The following SHQ1 variants were observed in gnomAD, a reference collection of about 807,000 sequenced individuals.
SHQ1 encodes protein SHQ1 homolog.
Under a neutral mutation model 53.8 loss-of-function variants are expected in SHQ1, and 49 were observed. That is an observed-to-expected ratio of 0.91 (90% CI 0.72 to 1.16). The LOEUF (loss-of-function observed/expected upper bound fraction) is 1.16. Ranked by LOEUF, SHQ1 falls within the 50% of genes most tolerant of loss-of-function variation. SHQ1 has a pLI of 0.00. For synonymous variants in SHQ1, 243 were observed against 251.0 expected (o/e 0.97, Z 0.30); for missense variants, 738 against 683.1 (o/e 1.08, Z -0.90).
At chr3:72,809,030 G>C (rs1707038988) in intron 9 of SHQ1, among the ~76,000 whole-genome samples, 1 of 151,706 alleles carries the variant, frequency 6.6e-6, no homozygotes, top group African/African-American at 2.4e-5. Flanking sequence ...AAGAGAAAGG[G>C]GGTTTTAAGA....
chr3:72,826,221 T>A (rs968042561), intron 5 of SHQ1, among the ~76,000 whole-genome samples: 1 of 152,186 alleles, frequency 6.6e-6, no homozygotes, highest in Non-Finnish European at 1.5e-5. Context: ...CAATAACAAT[T>A]TCCAACAGGT....
At chr3:72,805,838 T>C (rs1027209163) in intron 9 of SHQ1, among the ~76,000 whole-genome samples, 1 of 152,158 alleles carries the variant, frequency 6.6e-6, no homozygotes, top group African/African-American at 2.4e-5. Context: ...AAAGGCAATT[T>C]ATTATTTGTA....
At chr3:72,776,949 G>A (rs1285123381) in intron 10 of SHQ1, among the ~76,000 whole-genome samples, 1 of 152,178 alleles carries the variant, frequency 6.6e-6, no homozygotes, top group Non-Finnish European at 1.5e-5. Context: ...ACTGCAGGAT[G>A]TATGAGGAAA....
intron 10 of SHQ1, among the ~76,000 whole-genome samples, chr3:72,790,148 C>A (rs1340813491): frequency 4.6e-5 from 7 of 152,162 alleles, no homozygotes; most frequent in Non-Finnish European, 1.0e-4. Flanking sequence ...ATCTGTAACT[C>A]AGAATGAGAG....
chr3:72,847,895 C>A (rs750045712), intron 1 of SHQ1, among the ~76,000 whole-genome samples: 3 of 152,006 alleles, frequency 2.0e-5, no homozygotes, highest in Non-Finnish European at 2.9e-5. Context: ...CAAGTCAGAA[C>A]GGGACGAGAA....
chr3:72,753,613 T>TA (rs1445579119), intron 10 of SHQ1: 1 of 985,260 alleles, frequency 1.0e-6, no homozygotes, highest in African/African-American at 1.7e-5. Flanking sequence ...AGCTTTCTCT[T>TA]AGCCCTGGGT....
chr3:72,812,590 C>T (rs936468518), intron 9 of SHQ1, 81 bp downstream of exon 9: 2 of 1,531,882 alleles, frequency 1.3e-6, no homozygotes, highest in African/African-American at 2.8e-5. Context: ...AGTAAAAAAG[C>T]AAAAATCATT....
At chr3:72,753,169 G>GA in intron 10 of SHQ1, 1 of 985,412 alleles carries the variant, frequency 1.0e-6, no homozygotes, top group Non-Finnish European at 1.2e-6. Context: ...GACAGTGAGT[G>GA]AAAGTGGTAA....
intron 5 of SHQ1, among the ~76,000 whole-genome samples, chr3:72,832,008 A>T (rs1314669625): frequency 6.6e-6 from 1 of 152,272 alleles, no homozygotes; most frequent in African/African-American, 2.4e-5. Context: ...TCTTAAAGAA[A>T]TTGAAACATA....
chr3:72,829,102 G>T (rs947669165), intron 5 of SHQ1, among the ~76,000 whole-genome samples: 3 of 151,986 alleles, frequency 2.0e-5, no homozygotes, highest in Non-Finnish European at 4.4e-5. Flanking sequence ...GATTGAATGT[G>T]TGGGATAAGA....
chr3:72,733,296 C>T, the SHQ1 span, among the ~76,000 whole-genome samples: 2 of 151,652 alleles, frequency 1.3e-5, no homozygotes, highest in Non-Finnish European at 2.9e-5. Context: ...CAACCAGCAC[C>T]TAGGAAACCA....
chr3:72,742,786 G>A, the SHQ1 span, among the ~76,000 whole-genome samples: 9 of 151,786 alleles, frequency 5.9e-5, no homozygotes, highest in Admixed American at 2.0e-4. Context: ...CACCATGTCC[G>A]GCTAATTTTT....
intron 10 of SHQ1, among the ~76,000 whole-genome samples, chr3:72,789,356 C>CT (rs1225676152): frequency 2.0e-5 from 3 of 151,688 alleles, no homozygotes; most frequent in Admixed American, 1.3e-4. Flanking sequence ...ATGCATGGAT[C>CT]TTTTTTTTGG....
intron 10 of SHQ1, among the ~76,000 whole-genome samples, chr3:72,788,103 G>C (rs1706299678): frequency 6.6e-6 from 1 of 152,218 alleles, no homozygotes; most frequent in Admixed American, 6.5e-5. Context: ...GCCTCCCAAA[G>C]TGCCAAGTTT....
intron 3 of SHQ1, 43 bp downstream of exon 3, chr3:72,842,237 A>G: frequency 6.3e-7 from 1 of 1,599,064 alleles, no homozygotes; most frequent in East Asian, 2.2e-5. Context: ...CATTCCAAAT[A>G]TTTCTATTTA....
Position 72,793,034 on chromosome 3 carries a change from T to C in SHQ1, c.1063A>G (p.Lys355Glu). ...AGGAGACACTTTAAAACTGCACTTT[T>C]ACCTAAAGAAAATTGAAAAAACATA... ...RDTIKILQLGKSAVLKCLLDI... is the reference protein window; with the variant it reads ...RDTIKILQLGESAVLKCLLDI... Residue 355 changes from lysine to glutamate, a missense_variant and splice_region_variant, in exon 10 of 11, where the codon AAA becomes GAA. Physicochemically the swap from Lys to Glu is moderately conservative, Grantham distance 56 (BLOSUM62 1). Coordinates refer to ENST00000325599, the MANE Select transcript of SHQ1 (RefSeq NM_018130.3). The C allele has an allele frequency of 2.5e-6, 4 of 1,598,522 alleles. No homozygotes were observed. Among genetic ancestry groups the C allele is most frequent in the Non-Finnish European group, 3.4e-6 (4 of 1,173,796 alleles).
At chr3:72,814,978 T>C (rs1298459240) in intron 8 of SHQ1, among the ~76,000 whole-genome samples, 3 of 152,160 alleles carry the variant, frequency 2.0e-5, no homozygotes, top group Non-Finnish European at 4.4e-5. Flanking sequence ...AACATTATTT[T>C]TCGTGTGTGT....
intron 10 of SHQ1, among the ~76,000 whole-genome samples, chr3:72,764,696 A>G (rs1422698709): frequency 1.3e-5 from 2 of 152,238 alleles, no homozygotes; most frequent in African/African-American, 4.8e-5. Flanking sequence ...TTAGAAATGC[A>G]GAATCTCAGC....
intron 9 of SHQ1, among the ~76,000 whole-genome samples, chr3:72,804,193 A>C (rs1185110106): frequency 6.6e-6 from 1 of 152,078 alleles, no homozygotes; most frequent in East Asian, 1.9e-4. Context: ...CAAAGTGCTG[A>C]GTTTACAGGC....
Sources: allele counts gnomAD v4.1 joint callset (sites outside exome capture counted in the v4.1 genomes callset), GRCh38; gene constraint gnomAD v4.1.1; transcripts MANE v1.5; gene names NCBI Gene and HGNC (gene_info 2026-07-23, HGNC 2026-07-21).